SLC4A10: variants seen among roughly 807,000 people sequenced by gnomAD.
The protein encoded by SLC4A10 is solute carrier family 4 member 10, also known as sodium-driven chloride bicarbonate exchanger.
A neutral mutation model predicts 137.7 loss-of-function variants in SLC4A10; 42 were observed. That is an observed-to-expected ratio of 0.30 (90% CI 0.24 to 0.39). The LOEUF is 0.39. Ranked by LOEUF, SLC4A10 falls within the 10% of genes least tolerant of loss-of-function variation. SLC4A10 has a pLI of 1.00. For missense variants in SLC4A10, 925 were observed against 1,355.0 expected, an observed-to-expected ratio of 0.68 and a Z score of 4.98; for synonymous variants, 474 against 464.1, an observed-to-expected ratio of 1.02 and a Z score of -0.27.
Position 161,866,782 on chromosome 2 carries a change from C to A in SLC4A10, c.766+3720C>A, listed in dbSNP as rs748336129. Among the ~76,000 whole-genome samples the A allele has an allele frequency of 1.8e-4, 27 of 151,678 alleles. 1 individual carries two copies. Among genetic ancestry groups the A allele is most frequent in the Non-Finnish European group, 1.6e-4 (11 of 67,750 alleles). ...AAATTTTATCAGTATCTGTATTTATCATTTAGGTCATGTATTCAATTACCT... is the reference window on the plus strand; with the variant it reads ...AAATTTTATCAGTATCTGTATTTATAATTTAGGTCATGTATTCAATTACCT... On this transcript the variant is annotated intron_variant, in intron 6 of 26. Transcript: ENST00000446997.
intron 5 of SLC4A10, among the ~76,000 whole-genome samples, chr2:161,856,304 G>C (rs2060092045): frequency 6.7e-6 from 1 of 149,688 alleles, no homozygotes. Flanking sequence ...AGAAAAGTAA[G>C]TACTGAAAGA....
intron 1 of SLC4A10, among the ~76,000 whole-genome samples, chr2:161,650,246 ATGT>A (rs2036602166): frequency 6.6e-6 from 1 of 152,236 alleles, no homozygotes; most frequent in Non-Finnish European, 1.5e-5. Flanking sequence ...GACTTGTATG[ATGT>A]TTTCTGCATG....
intron 3 of SLC4A10, among the ~76,000 whole-genome samples, chr2:161,835,722 A>G (rs2058723694): frequency 1.3e-5 from 2 of 152,128 alleles, no homozygotes; most frequent in Admixed American, 1.3e-4. Flanking sequence ...GCCCTCAGCT[A>G]CCTCCTTGTG....
chr2:161,805,853 G>A (rs1464292300), intron 3 of SLC4A10, among the ~76,000 whole-genome samples: 1 of 152,178 alleles, frequency 6.6e-6, no homozygotes, highest in Non-Finnish European at 1.5e-5. Context: ...GAGGACAGTG[G>A]CCCTTTTCTC....
rs2058139843 is a variant in SLC4A10 at position 161,828,019 on chromosome 2, C to CT, written c.278-11768dup. On this transcript the variant is annotated intron_variant, in intron 3 of 26. Coordinates refer to ENST00000446997, the MANE Select transcript of SLC4A10 (RefSeq NM_001178015.2). ...ATTGCTTATTCACCATTGCTAGCGT[C>CT]TTACTCCTGGGTTTACTCTGACTTT... Among the ~76,000 whole-genome samples, 5 of 152,118 alleles carry CT rather than the reference C, an allele frequency of 3.3e-5. No individual in the cohort carries two copies. The South Asian group carries it at 1.0e-3, about 31-fold the overall frequency.
intron 1 of SLC4A10, among the ~76,000 whole-genome samples, chr2:161,757,254 A>G (rs926141490): frequency 1.3e-5 from 2 of 152,174 alleles, no homozygotes; most frequent in Non-Finnish European, 2.9e-5. Context: ...CTCTATATCT[A>G]AAATAAAAGT....
intron 1 of SLC4A10, among the ~76,000 whole-genome samples, chr2:161,639,432 A>G (rs995431082): frequency 3.3e-5 from 5 of 152,204 alleles, no homozygotes; most frequent in Admixed American, 3.3e-4. Flanking sequence ...CCTACAATCA[A>G]GTGGGATTTA....
At chr2:161,652,313 G>A (rs1876814) in intron 1 of SLC4A10, among the ~76,000 whole-genome samples, 120,073 of 152,148 alleles carry the variant, frequency 0.79, 47,702 homozygotes, top group East Asian at 0.86. Flanking sequence ...ACACGTTGGG[G>A]TATGAGTCAA....
At chr2:161,741,102 G>A (rs948231560) in intron 1 of SLC4A10, among the ~76,000 whole-genome samples, 1 of 151,866 alleles carries the variant, frequency 6.6e-6, no homozygotes, top group East Asian at 1.9e-4. Flanking sequence ...CTGAAACCGT[G>A]TCTCCACAAA....
At chr2:161,915,211 A>G (rs1362561838) in intron 15 of SLC4A10, among the ~76,000 whole-genome samples, 2 of 152,062 alleles carry the variant, frequency 1.3e-5, no homozygotes, top group Admixed American at 6.6e-5. Flanking sequence ...AGAGAGGCAG[A>G]GAAGCAGCTT....
intron 5 of SLC4A10, among the ~76,000 whole-genome samples, chr2:161,855,666 T>A (rs1459797565): frequency 6.6e-6 from 1 of 152,102 alleles, no homozygotes; most frequent in African/African-American, 2.4e-5. Context: ...TTCAATGATA[T>A]CTTATAATAC....
chr2:161,664,651 A>G (rs1345465294), intron 1 of SLC4A10, among the ~76,000 whole-genome samples: 1 of 151,696 alleles, frequency 6.6e-6, no homozygotes, highest in Non-Finnish European at 1.5e-5. Context: ...TAGGACTTAG[A>G]ATGAAAATAT....
intron 15 of SLC4A10, among the ~76,000 whole-genome samples, chr2:161,924,492 A>G (rs1688710098): frequency 6.6e-6 from 1 of 152,168 alleles, no homozygotes; most frequent in Admixed American, 6.6e-5. Flanking sequence ...GTGATTTTAT[A>G]CATATATAAA....
intron 1 of SLC4A10, among the ~76,000 whole-genome samples, chr2:161,724,988 T>G (rs2046066540): frequency 6.6e-6 from 1 of 152,206 alleles, no homozygotes; most frequent in Admixed American, 6.5e-5. Context: ...ACATCTTTTA[T>G]TTCTTTAAAG....
intron 3 of SLC4A10, among the ~76,000 whole-genome samples, chr2:161,827,005 C>A (rs1039838345): frequency 4.6e-5 from 7 of 152,060 alleles, no homozygotes; most frequent in Admixed American, 4.6e-4. Context: ...AAGGCAGAGG[C>A]TTTTTTTCTG....
chr2:161,776,856 G>GGTGTGTGTGTGT (rs71009340), intron 2 of SLC4A10, among the ~76,000 whole-genome samples: 87 of 143,218 alleles, frequency 6.1e-4, no homozygotes, highest in African/African-American at 2.0e-3. Flanking sequence ...CTTATTTTCT[G>GGTGTGTGTGTGT]GTGTGTGTGT....
At chr2:161,738,046 G>A (rs927352467) in intron 1 of SLC4A10, among the ~76,000 whole-genome samples, 1 of 152,114 alleles carries the variant, frequency 6.6e-6, no homozygotes, top group Non-Finnish European at 1.5e-5. Context: ...ATCCAGACCA[G>A]TTTCTGTTGT....
At chr2:161,949,895 T>C (rs1360606196) in intron 18 of SLC4A10, among the ~76,000 whole-genome samples, 3 of 151,920 alleles carry the variant, frequency 2.0e-5, no homozygotes, top group East Asian at 3.9e-4. Context: ...GTGTGAATTT[T>C]CCGCTTGTGG....
At chr2:161,673,586 C>G (rs1025478315) in intron 1 of SLC4A10, among the ~76,000 whole-genome samples, 1 of 152,176 alleles carries the variant, frequency 6.6e-6, no homozygotes. Context: ...CTTTGCTTCT[C>G]TGTTTCATTA....
Sources: allele counts gnomAD v4.1 joint callset (sites outside exome capture counted in the v4.1 genomes callset), GRCh38; gene constraint gnomAD v4.1.1; transcripts MANE v1.5; gene names NCBI Gene and HGNC (gene_info 2026-07-23, HGNC 2026-07-21).